Variants in CIB1 observed in about 807,000 individuals in gnomAD.
The protein encoded by CIB1 is calcium and integrin-binding protein 1.
In CIB1, 19 loss-of-function variants were observed where a neutral mutation model predicts 25.0. The observed-to-expected ratio is 0.76, with a 90% CI of 0.53 to 1.12. The LOEUF is 1.12. Ranked by LOEUF, CIB1 falls within the 50% of genes most tolerant of loss-of-function variation. The pLI is 0.00. For synonymous variants in CIB1, 104 were observed against 98.5 expected (o/e 1.06, Z -0.33); for missense variants, 236 against 242.6 (o/e 0.97, Z 0.18).
chr15:90,234,252 G>T (rs564860795), upstream of CIB1: 317 of 221,106 alleles, frequency 1.4e-3, 1 homozygote, highest in African/African-American at 6.7e-3. Context: ...CCCCGGCAGC[G>T]GCTGCGGGGA....
chr15:90,253,249 T>G, the CIB1 span: 1 of 1,613,312 alleles, frequency 6.2e-7, no homozygotes, highest in Non-Finnish European at 8.5e-7. Flanking sequence ...GTCTCTGCAG[T>G]GCGTCGGGCA....
chr15:90,241,984 T>C, the CIB1 span: 1 of 1,614,180 alleles, frequency 6.2e-7, no homozygotes, highest in African/African-American at 1.3e-5. Flanking sequence ...GTGGCCCTCA[T>C]TCAGGACTGT....
At chr15:90,264,706 T>G in the CIB1 span, 3 of 1,535,148 alleles carry the variant, frequency 2.0e-6, no homozygotes, top group Non-Finnish European at 2.6e-6. Context: ...GGGACATCCA[T>G]GTTTCCACTG....
At chr15:90,260,392 G>C in the CIB1 span, among the ~76,000 whole-genome samples, 6 of 152,194 alleles carry the variant, frequency 3.9e-5, no homozygotes, top group Non-Finnish European at 8.8e-5. Context: ...AGCTACTTAG[G>C]AGGCTGAGGT....
At chr15:90,235,848 G>A (rs141929326), upstream of CIB1, among the ~76,000 whole-genome samples, 3,724 of 152,142 alleles carry the variant, frequency 0.024, 143 homozygotes, top group African/African-American at 0.081. Context: ...GATTACAGGC[G>A]TGACCCACCG....
At chr15:90,258,716 G>C in the CIB1 span, 1 of 1,599,534 alleles carries the variant, frequency 6.3e-7, no homozygotes, top group Non-Finnish European at 8.6e-7. Flanking sequence ...GTCTGGGAAA[G>C]GGGTGTATAA....
the CIB1 span, among the ~76,000 whole-genome samples, chr15:90,253,783 C>A: frequency 6.6e-6 from 1 of 152,144 alleles, no homozygotes; most frequent in East Asian, 1.9e-4. Flanking sequence ...TGCCTGGTGG[C>A]AAGAAATTCA....
chr15:90,245,983 T>G, the CIB1 span, among the ~76,000 whole-genome samples: 1 of 152,022 alleles, frequency 6.6e-6, no homozygotes, highest in Non-Finnish European at 1.5e-5. Flanking sequence ...GCTTAACTCT[T>G]CATGCAGAGG....
chr15:90,257,623 C>A, the CIB1 span: 1 of 1,613,378 alleles, frequency 6.2e-7, no homozygotes, highest in Non-Finnish European at 8.5e-7. Context: ...ACCACAGGGC[C>A]ACTCTTTCCA....
At chr15:90,256,639 TTC>T in the CIB1 span, among the ~76,000 whole-genome samples, 382 of 108,318 alleles carry the variant, frequency 3.5e-3, 6 homozygotes, top group Middle Eastern at 0.015. Flanking sequence ...CCTTCCTTCC[TTC>T]TTTCTTTCTC....
chr15:90,240,369 C>T, the CIB1 span, among the ~76,000 whole-genome samples: 1 of 140,176 alleles, frequency 7.1e-6, no homozygotes, highest in African/African-American at 2.7e-5. Context: ...TTAGCCGGGC[C>T]TGGTGGCGGG....
At chr15:90,265,558 C>T in the CIB1 span, 12 of 1,385,442 alleles carry the variant, frequency 8.7e-6, no homozygotes, top group Non-Finnish European at 1.1e-5. Context: ...GGGTGGGCCA[C>T]TGAGCAGCGT....
chr15:90,254,734 C>T, the CIB1 span, among the ~76,000 whole-genome samples: 41,260 of 151,052 alleles, frequency 0.27, 6,574 homozygotes, highest in East Asian at 0.7. Context: ...TAGTCCCAGC[C>T]ACTTGGGAGG....
the CIB1 span, chr15:90,262,477 G>C: frequency 2.0e-6 from 3 of 1,467,538 alleles, no homozygotes; most frequent in Non-Finnish European, 2.7e-6. Context: ...GTCTGAAGCT[G>C]CTGTGTCTTG....
At chr15:90,260,986 C>G in the CIB1 span, among the ~76,000 whole-genome samples, 4 of 152,020 alleles carry the variant, frequency 2.6e-5, no homozygotes, top group Admixed American at 2.6e-4. Context: ...TCATAATCAA[C>G]ATGCTAATTG....
the CIB1 span, chr15:90,242,296 G>C: frequency 4.3e-6 from 1 of 230,760 alleles, no homozygotes; most frequent in Non-Finnish European, 7.1e-6. Flanking sequence ...AGGTGATTTT[G>C]TATTTTTTTA....
chr15:90,238,696 C>T (rs1962685683), upstream of CIB1: 1 of 152,236 alleles, frequency 6.6e-6, no homozygotes, highest in South Asian at 2.1e-4. Context: ...CTTACCCACA[C>T]ATCAGTGCCA....
chr15:90,257,292 T>C, the CIB1 span: 37 of 1,603,616 alleles, frequency 2.3e-5, no homozygotes, highest in Middle Eastern at 1.7e-4. Context: ...GTAAGGGGAC[T>C]GGGAAGCACT....
chr15:90,265,140 A>C, the CIB1 span: 1 of 1,224,798 alleles, frequency 8.2e-7, no homozygotes, highest in Non-Finnish European at 1.1e-6. Flanking sequence ...TCAATACCCT[A>C]AGATTAATTG....
Sources: allele counts gnomAD v4.1 joint callset (sites outside exome capture counted in the v4.1 genomes callset), GRCh38; gene constraint gnomAD v4.1.1; transcripts MANE v1.5; gene names NCBI Gene and HGNC (gene_info 2026-07-23, HGNC 2026-07-21).